The following AGBL3 variants were observed in gnomAD, a reference collection of about 807,000 sequenced individuals.
AGBL3 encodes the protein cytosolic carboxypeptidase 3.
Under a neutral mutation model 94.5 loss-of-function variants are expected in AGBL3, and 68 were observed. The observed-to-expected ratio is 0.72, with a 90% CI of 0.59 to 0.88. AGBL3 has a LOEUF of 0.88. AGBL3 is among the 40% of genes least tolerant of loss of function. AGBL3 has a pLI of 0.00. For synonymous variants in AGBL3, 354 were observed against 370.7 expected (o/e 0.95, Z 0.52); for missense variants, 934 against 1,103.8 (o/e 0.85, Z 2.18).
At chr7:135,114,174 T>C (rs28733390) in intron 15 of AGBL3, among the ~76,000 whole-genome samples, 73,756 of 152,032 alleles carry the variant, frequency 0.49, 18,264 homozygotes, top group South Asian at 0.66. Flanking sequence ...TATCTATGTC[T>C]CTTTGGGACC....
At chr7:135,133,067 G>GCACACACACA (rs55861736) in intron 16 of AGBL3, among the ~76,000 whole-genome samples, 148 of 150,430 alleles carry the variant, frequency 9.8e-4, no homozygotes, top group African/African-American at 3.5e-3. Flanking sequence ...ACGCATGCGT[G>GCACACACACA]CACACACACA....
chr7:135,066,236 G>C (rs1819287990), intron 12 of AGBL3, among the ~76,000 whole-genome samples: 1 of 152,014 alleles, frequency 6.6e-6, no homozygotes, highest in South Asian at 2.1e-4. Context: ...ATCTGAACAG[G>C]GGGTAATCTC....
chr7:135,109,724 C>G (rs1406877784), intron 15 of AGBL3, among the ~76,000 whole-genome samples: 1 of 152,186 alleles, frequency 6.6e-6, no homozygotes. Flanking sequence ...GAAATGGGAT[C>G]CAGTGCCTGT....
chr7:135,128,291 CAAAAAAAAAAAAAAA>C lies in AGBL3; in HGVS notation c.2343-6536_2343-6522del, dbSNP rs61217008. On this transcript the variant is annotated intron_variant, in intron 16 of 16. Coordinates refer to ENST00000436302, the MANE Select transcript of AGBL3 (RefSeq NM_178563.4). ...TGGGCAACAGAGTGAGACTCCATCT[CAAAAAAAAAAAAAAA>C]AAAAAAAAAAAAACGAAAAAAAAAA... Among the ~76,000 whole-genome samples the C allele has an allele frequency of 3.8e-4, 22 of 58,072 alleles. 1 individual carries two copies. Among genetic ancestry groups the C allele is most frequent in the Admixed American group, 1.3e-3 (4 of 3,100 alleles). The allele number at this position is 58,072 out of a possible 152,430, so 38.1% of individuals were successfully genotyped here.
Position 135,081,762 on chromosome 7 carries a change from C to G in AGBL3, c.2082C>G (p.Phe694Leu), listed in dbSNP as rs777420058. 1.9e-6 allele frequency: 3 copies of G among 1,538,606 alleles called. No individual in the cohort carries two copies. Among genetic ancestry groups the G allele is most frequent in the Non-Finnish European group, 8.8e-7 (1 of 1,138,386 alleles). ...NEPDDYMVDY[F>L]RRQLPNQGLD... ...CAGATGATTATATGGTTGATTATTT[C>G]AGAAGACAATTACCTAATCAAGGTT... Residue 694 changes from phenylalanine to leucine, a missense_variant, in exon 15 of 17, where the codon TTC becomes TTG. Transcript: ENST00000436302.
chr7:135,081,682 A>T (rs1820934604), intron 14 of AGBL3, 37 bp from the exon 15 acceptor site: 2 of 1,353,546 alleles, frequency 1.5e-6, no homozygotes, highest in East Asian at 5.1e-5. Flanking sequence ...TGGGCGAGTT[A>T]TTTTCATGCT....
chr7:135,092,718 C>A (rs189725170), intron 15 of AGBL3: 6 of 151,604 alleles, frequency 4.0e-5, no homozygotes, highest in African/African-American at 1.5e-4. Flanking sequence ...ATTTCAGGGG[C>A]CAAATAAATT....
chr7:134,990,186 G>C lies in AGBL3; in HGVS notation c.124+876G>C, dbSNP rs530719174. Reference sequence around the variant, plus strand: ...CCCTTTATGTTGCTTCCTTTGTTTAGAACATTACCAAAAGCAAGATGTAAA... The same window carrying C: ...CCCTTTATGTTGCTTCCTTTGTTTACAACATTACCAAAAGCAAGATGTAAA... On this transcript the variant is annotated intron_variant, in intron 3 of 16. Transcript: ENST00000436302. 2.0e-5 allele frequency among the ~76,000 whole-genome samples: 3 copies of C among 152,124 alleles called. No homozygotes were observed. The South Asian group carries it at 6.2e-4, about 32-fold the overall frequency.
At chr7:135,029,098 A>G (rs1362611489) in intron 5 of AGBL3, among the ~76,000 whole-genome samples, 1 of 152,220 alleles carries the variant, frequency 6.6e-6, no homozygotes, top group Non-Finnish European at 1.5e-5. Context: ...CACAGGCAGA[A>G]TAGATTTAGC....
At chr7:135,109,341 C>T (rs1825259719) in intron 15 of AGBL3, among the ~76,000 whole-genome samples, 1 of 152,212 alleles carries the variant, frequency 6.6e-6, no homozygotes, top group African/African-American at 2.4e-5. Context: ...CAACCCACCT[C>T]TCCCACTGAG....
At chr7:135,079,868 T>C (rs934630441) in intron 13 of AGBL3, among the ~76,000 whole-genome samples, 3 of 152,200 alleles carry the variant, frequency 2.0e-5, no homozygotes, top group Non-Finnish European at 4.4e-5. Flanking sequence ...ATGTTTGTTG[T>C]TCTAATTTAA....
chr7:135,096,584 C>CATACATAG (rs1822811727), intron 15 of AGBL3, among the ~76,000 whole-genome samples: 3 of 88,860 alleles, frequency 3.4e-5, no homozygotes, highest in East Asian at 5.6e-4. Flanking sequence ...TAGATAGATA[C>CATACATAG]ATAGATAGAT....
At chr7:135,002,287 G>A (rs986541854) in intron 4 of AGBL3, among the ~76,000 whole-genome samples, 2 of 152,188 alleles carry the variant, frequency 1.3e-5, no homozygotes, top group African/African-American at 4.8e-5. Context: ...GTCCAGGAGA[G>A]ACTAGATGGG....
At chr7:135,016,378 C>T (rs1407281235) in intron 4 of AGBL3, among the ~76,000 whole-genome samples, 2 of 151,898 alleles carry the variant, frequency 1.3e-5, no homozygotes, top group African/African-American at 4.8e-5. Context: ...CAGATGTACA[C>T]ATAATCTCCA....
chr7:135,091,469 A>G (rs1821847322), intron 15 of AGBL3, among the ~76,000 whole-genome samples: 1 of 152,080 alleles, frequency 6.6e-6, no homozygotes, highest in African/African-American at 2.4e-5. Context: ...GTTGAAAAAT[A>G]TCTGTGTATA....
At chr7:135,095,813 G>A (rs1436981093) in intron 15 of AGBL3, among the ~76,000 whole-genome samples, 2 of 152,110 alleles carry the variant, frequency 1.3e-5, no homozygotes, top group African/African-American at 4.8e-5. Context: ...AGTGGACGGG[G>A]GTACTGAAGT....
intron 15 of AGBL3, among the ~76,000 whole-genome samples, chr7:135,091,712 T>A (rs1302257668): frequency 1.3e-5 from 2 of 152,210 alleles, no homozygotes; most frequent in African/African-American, 4.8e-5. Context: ...ACAAAGATGA[T>A]CCTGTTGCCT....
chr7:135,046,429 A>G (rs1817364230), intron 11 of AGBL3, among the ~76,000 whole-genome samples: 1 of 152,116 alleles, frequency 6.6e-6, no homozygotes, highest in African/African-American at 2.4e-5. Context: ...ATAGTATCAT[A>G]GAGTATTTTC....
At chr7:135,035,473 G>A (rs1043362118) in intron 7 of AGBL3, among the ~76,000 whole-genome samples, 1 of 151,938 alleles carries the variant, frequency 6.6e-6, no homozygotes, top group Non-Finnish European at 1.5e-5. Flanking sequence ...ACATGTGTGT[G>A]GAAAGGTGAG....
Sources: gnomAD v4.1 joint callset for allele counts (sites outside exome capture counted in the v4.1 genomes callset) on GRCh38, gnomAD v4.1.1 for gene constraint, MANE v1.5 for transcripts, NCBI Gene and HGNC (gene_info 2026-07-23, HGNC 2026-07-21) for gene names.